NFIB: variants seen among roughly 807,000 people sequenced by gnomAD.
The protein encoded by NFIB is nuclear factor 1 B-type.
Under a neutral mutation model 61.5 loss-of-function variants are expected in NFIB, and 11 were observed. That is an observed-to-expected ratio of 0.18 (90% CI 0.11 to 0.30). NFIB has a LOEUF of 0.30. Ranked by LOEUF, NFIB falls within the 10% of genes least tolerant of loss-of-function variation. The pLI, the probability that NFIB is intolerant of heterozygous loss-of-function variation, is 1.00. For missense variants in NFIB, 471 were observed against 608.9 expected (o/e 0.77, Z 2.38); for synonymous variants, 260 against 216.5 (o/e 1.20, Z -1.76).
chr9:14,486,983 T>C, the NFIB span, among the ~76,000 whole-genome samples: 1 of 152,220 alleles, frequency 6.6e-6, no homozygotes, highest in Non-Finnish European at 1.5e-5. Context: ...TAAAACATGG[T>C]GTATTTTAAT....
At chr9:14,474,336 C>T in the NFIB span, among the ~76,000 whole-genome samples, 2 of 152,184 alleles carry the variant, frequency 1.3e-5, no homozygotes, top group South Asian at 2.1e-4. Flanking sequence ...TCTCTGGGGT[C>T]CCTTTTATAA....
chr9:14,434,680 C>A, the NFIB span, among the ~76,000 whole-genome samples: 2 of 152,156 alleles, frequency 1.3e-5, no homozygotes, highest in African/African-American at 4.8e-5. Context: ...TGAGCCACCA[C>A]ACAAAGAAAC....
chr9:14,515,236 C>T, the NFIB span, among the ~76,000 whole-genome samples: 5 of 151,988 alleles, frequency 3.3e-5, no homozygotes, highest in South Asian at 2.1e-4. Context: ...GGGAAGACCC[C>T]GTGGGCAGGG....
At chr9:14,293,595 G>C (rs930974967) in intron 2 of NFIB, among the ~76,000 whole-genome samples, 10 of 152,178 alleles carry the variant, frequency 6.6e-5, no homozygotes, top group African/African-American at 2.4e-4. Flanking sequence ...CTGAACATAA[G>C]TGCGGAGTCT....
intron 2 of NFIB, chr9:14,305,865 G>A (rs1186076892): frequency 1.7e-5 from 10 of 572,232 alleles, no homozygotes; most frequent in Non-Finnish European, 2.6e-5. Flanking sequence ...CTCCCACCAG[G>A]CCAAGTTTGG....
At chr9:14,118,139 T>C (rs1417328934) in intron 8 of NFIB, among the ~76,000 whole-genome samples, 1 of 152,126 alleles carries the variant, frequency 6.6e-6, no homozygotes, top group Admixed American at 6.5e-5. Context: ...CATTTTTCCT[T>C]TCAAAGGGAA....
chr9:14,174,990 A>G (rs1004402337), intron 3 of NFIB, among the ~76,000 whole-genome samples: 2 of 151,934 alleles, frequency 1.3e-5, no homozygotes, highest in Admixed American at 6.6e-5. Context: ...GGCTCTAGTG[A>G]TCTCAACAGA....
At chr9:14,508,414 C>A in the NFIB span, among the ~76,000 whole-genome samples, 1 of 152,186 alleles carries the variant, frequency 6.6e-6, no homozygotes, top group Admixed American at 6.5e-5. Flanking sequence ...TCTCATACTA[C>A]CTCATCCTTC....
chr9:14,218,901 A>C (rs1157034853), intron 2 of NFIB, among the ~76,000 whole-genome samples: 2 of 152,044 alleles, frequency 1.3e-5, no homozygotes, highest in African/African-American at 4.8e-5. Flanking sequence ...TGTTTACCTT[A>C]CTCTTCGAAG....
At chr9:14,520,506 C>T in the NFIB span, among the ~76,000 whole-genome samples, 73 of 152,310 alleles carry the variant, frequency 4.8e-4, 1 homozygote, top group South Asian at 6.2e-4. Flanking sequence ...TGTTCTGCAG[C>T]GGTGCCACAG....
rs928136605 is a variant in NFIB at position 14,134,849 on chromosome 9, G to C, written c.926-9083C>G. On this transcript the variant is annotated intron_variant, in intron 6 of 10. Coordinates refer to ENST00000380953, the MANE Select transcript of NFIB (RefSeq NM_001190737.2). Reference sequence around the variant, plus strand: ...GGAGGTGGAGGTGGCAGTGAGCCAAGATCACGCCACTGCTCTCCAGCCTGG... The same window carrying C: ...GGAGGTGGAGGTGGCAGTGAGCCAACATCACGCCACTGCTCTCCAGCCTGG... Among the ~76,000 whole-genome samples the C allele has an allele frequency of 4.7e-5, 6 of 128,134 alleles. No homozygotes were observed. The East Asian group carries it at 7.8e-4, about 17-fold the overall frequency. 84.1% of individuals were successfully genotyped at this position (128,134 alleles called of 152,430 possible). A position where few individuals can be genotyped will look rare whatever the true frequency, so the allele number is the denominator to read the frequency against.
chr9:14,292,842 C>G (rs1335148833), intron 2 of NFIB, among the ~76,000 whole-genome samples: 1 of 151,998 alleles, frequency 6.6e-6, no homozygotes, highest in Non-Finnish European at 1.5e-5. Context: ...TGTTCAGAAA[C>G]TTACATTTCA....
At chr9:14,493,255 G>A in the NFIB span, among the ~76,000 whole-genome samples, 1 of 152,112 alleles carries the variant, frequency 6.6e-6, no homozygotes, top group Non-Finnish European at 1.5e-5. Flanking sequence ...AGGAGATATT[G>A]TCATGATTTT....
At chr9:14,155,964 T>G in intron 3 of NFIB, 71 bp from the exon 4 acceptor site, 1 of 918,284 alleles carries the variant, frequency 1.1e-6, no homozygotes, top group Non-Finnish European at 1.6e-6. Context: ...TACACTAGAA[T>G]TTAAGTGTTT....
At chr9:14,196,386 G>A (rs1223774202) in intron 2 of NFIB, among the ~76,000 whole-genome samples, 1 of 152,088 alleles carries the variant, frequency 6.6e-6, no homozygotes, top group Non-Finnish European at 1.5e-5. Context: ...CTCATTAGAA[G>A]GCAAGGTCTG....
the NFIB span, among the ~76,000 whole-genome samples, chr9:14,505,548 C>T: frequency 2.0e-5 from 3 of 152,154 alleles, no homozygotes; most frequent in Admixed American, 6.5e-5. Flanking sequence ...GGACTAGGGG[C>T]TGCTGGTGGT....
At chr9:14,392,928 G>T (rs891003261) in intron 1 of NFIB, among the ~76,000 whole-genome samples, 5 of 152,160 alleles carry the variant, frequency 3.3e-5, no homozygotes, top group Non-Finnish European at 7.3e-5. Context: ...CATATTACTT[G>T]AAGAAAGATC....
chr9:14,125,573 AGG>A, intron 7 of NFIB, 57 bp downstream of exon 7: 1 of 1,597,844 alleles, frequency 6.3e-7, no homozygotes. Context: ...TCCGTCCCTA[AGG>A]GGGTTAGGCC....
At chr9:14,418,028 C>T in the NFIB span, among the ~76,000 whole-genome samples, 1 of 152,058 alleles carries the variant, frequency 6.6e-6, no homozygotes, top group Non-Finnish European at 1.5e-5. Context: ...ATCCACCCAC[C>T]TCGGCCTCCC....
Sources: allele counts gnomAD v4.1 joint callset (sites outside exome capture counted in the v4.1 genomes callset), GRCh38; gene constraint gnomAD v4.1.1; transcripts MANE v1.5; gene names NCBI Gene and HGNC (gene_info 2026-07-23, HGNC 2026-07-21).